Variants in SLC9C2 observed in about 807,000 individuals in gnomAD.
SLC9C2 encodes the protein sodium/hydrogen exchanger 11.
A neutral mutation model predicts 140.2 loss-of-function variants in SLC9C2; 75 were observed. The observed-to-expected ratio is 0.53, with a 90% CI of 0.44 to 0.65. The LOEUF is 0.65. Ranked by LOEUF, SLC9C2 falls within the 30% of genes least tolerant of loss-of-function variation. SLC9C2 has a pLI of 0.00. For missense variants in SLC9C2, 1,074 were observed against 1,331.8 expected (o/e 0.81, Z 3.01); for synonymous variants, 375 against 420.9 (o/e 0.89, Z 1.34).
At chr1:173,554,421 A>C (rs1186533282) in intron 11 of SLC9C2, among the ~76,000 whole-genome samples, 1 of 152,190 alleles carries the variant, frequency 6.6e-6, no homozygotes, top group Admixed American at 6.5e-5. Context: ...GGCATGGAAG[A>C]GCAATCAAAG....
chr1:173,534,386 T>C (rs1054750125), intron 16 of SLC9C2, 98 bp downstream of exon 16: 63 of 1,251,872 alleles, frequency 5.0e-5, no homozygotes, highest in Admixed American at 9.4e-5. Flanking sequence ...TCATAGCAAA[T>C]GGCTCTTGGT....
intron 7 of SLC9C2, among the ~76,000 whole-genome samples, chr1:173,580,863 A>G (rs909060048): frequency 1.3e-5 from 2 of 152,244 alleles, no homozygotes; most frequent in Non-Finnish European, 2.9e-5. Context: ...AAAAGAGAAC[A>G]AATAAAAAGA....
At chr1:173,517,773 C>T in intron 22 of SLC9C2, 69 bp from the exon 23 acceptor site, 1 of 1,311,520 alleles carries the variant, frequency 7.6e-7, no homozygotes, top group South Asian at 1.8e-5. Context: ...ATCATAGGAG[C>T]TCCCACTATT....
intron 20 of SLC9C2, 59 bp downstream of exon 20, chr1:173,524,720 C>T (rs1661074442): frequency 6.4e-7 from 1 of 1,571,466 alleles, no homozygotes; most frequent in Non-Finnish European, 8.7e-7. Context: ...CCTTATTACA[C>T]ACTGCTAAAG....
At chr1:173,590,115 T>A (rs1231645565) in intron 4 of SLC9C2, among the ~76,000 whole-genome samples, 2 of 151,894 alleles carry the variant, frequency 1.3e-5, no homozygotes, top group Non-Finnish European at 2.9e-5. Flanking sequence ...TGGTGGCGGA[T>A]GCCTGTAATC....
At chr1:173,552,639 G>C (rs61828887) in intron 11 of SLC9C2, among the ~76,000 whole-genome samples, 22,225 of 152,092 alleles carry the variant, frequency 0.15, 1,989 homozygotes, top group East Asian at 0.31. Flanking sequence ...TCTCTTTATA[G>C]CATGGTTTAC....
At chr1:173,575,843 G>T (rs1350389984) in intron 8 of SLC9C2, among the ~76,000 whole-genome samples, 1 of 152,140 alleles carries the variant, frequency 6.6e-6, no homozygotes, top group Non-Finnish European at 1.5e-5. Context: ...CTCCCAAAGT[G>T]CTGGGATTAC....
chr1:173,600,990 G>C (rs1428096471), intron 2 of SLC9C2, among the ~76,000 whole-genome samples: 1 of 152,186 alleles, frequency 6.6e-6, no homozygotes, highest in Non-Finnish European at 1.5e-5. Flanking sequence ...TAAAGCATCT[G>C]TGTGTTGAAT....
At chr1:173,502,940 A>C (rs72709308) in intron 27 of SLC9C2, among the ~76,000 whole-genome samples, 5 of 152,144 alleles carry the variant, frequency 3.3e-5, no homozygotes, top group Non-Finnish European at 5.9e-5. Context: ...CAGAGCATGG[A>C]TATTTAGACC....
Position 173,552,760 on chromosome 1 carries a change from G to A in SLC9C2, c.1297+1973C>T, listed in dbSNP as rs149370967. ...TTAGTCATGCAAGAGCTCTGATGGA[G>A]ATGGACAAGGAGTTGAATGTTGTTT... is the stretch of plus-strand genomic sequence containing the variant. On this transcript the variant is annotated intron_variant, in intron 11 of 27. Transcript: ENST00000367714. Among the ~76,000 whole-genome samples, 12 of 152,310 alleles carry A rather than the reference G, an allele frequency of 7.9e-5. 1 individual carries two copies. The East Asian group carries it at 2.3e-3, about 29-fold the overall frequency.
At chr1:173,535,030 TATG>T (rs1313701890) in intron 15 of SLC9C2, among the ~76,000 whole-genome samples, 1 of 151,900 alleles carries the variant, frequency 6.6e-6, no homozygotes, top group African/African-American at 2.4e-5. Flanking sequence ...ATGGGAAAAA[TATG>T]ATATTAAATA....
At chr1:173,528,922 A>C (rs567442212) in intron 18 of SLC9C2, among the ~76,000 whole-genome samples, 1 of 152,232 alleles carries the variant, frequency 6.6e-6, no homozygotes, top group East Asian at 1.9e-4. Flanking sequence ...AACACAATGA[A>C]TAGGAGAGTG....
At chr1:173,554,692 T>C in intron 11 of SLC9C2, 41 bp downstream of exon 11, 1 of 1,275,642 alleles carries the variant, frequency 7.8e-7, no homozygotes, top group South Asian at 1.2e-5. Context: ...CTGTTTGTAT[T>C]ATTCTCCCCA....
rs545039063 is a variant in SLC9C2 at position 173,538,168 on chromosome 1, C to T, written c.1558-1129G>A. On this transcript the variant is annotated intron_variant, in intron 13 of 27. Coordinates refer to ENST00000367714, the MANE Select transcript of SLC9C2 (RefSeq NM_178527.4). Reference sequence around the variant, plus strand: ...GCAAATTCTGAAACTGCCTTCCAAACGGTATGGGGCAATGGCCAGGCTCTC... The same window carrying T: ...GCAAATTCTGAAACTGCCTTCCAAATGGTATGGGGCAATGGCCAGGCTCTC... 6.7e-4 allele frequency among the ~76,000 whole-genome samples: 102 copies of T among 152,252 alleles called. No individual in the cohort carries two copies. In the South Asian group the frequency reaches 9.5e-3, roughly 14 times the overall value.
intron 27 of SLC9C2, among the ~76,000 whole-genome samples, chr1:173,502,303 T>TTATTTGG (rs1490471321): frequency 2.0e-5 from 3 of 150,130 alleles, no homozygotes; most frequent in Admixed American, 2.0e-4. Context: ...AAAAAGCTGT[T>TTATTTGG]TATTTGGGAT....
intron 16 of SLC9C2, 90 bp downstream of exon 16, chr1:173,534,394 G>T: frequency 7.7e-7 from 1 of 1,305,952 alleles, no homozygotes. Flanking sequence ...AATGGCTCTT[G>T]GTATCAAGTT....
chr1:173,529,258 C>A (rs1661404014), intron 18 of SLC9C2, among the ~76,000 whole-genome samples: 1 of 152,074 alleles, frequency 6.6e-6, no homozygotes, highest in Non-Finnish European at 1.5e-5. Context: ...GTCTCCTCTA[C>A]ATTATCAGGC....
chr1:173,587,980 T>C (rs1382860803), intron 4 of SLC9C2, 150 bp from the exon 5 acceptor site: 1 of 517,832 alleles, frequency 1.9e-6, no homozygotes, highest in Non-Finnish European at 3.2e-6. Context: ...TTTAACCACC[T>C]GCCACAAAGA....
chr1:173,585,129 T>C (rs1665772634), intron 5 of SLC9C2, among the ~76,000 whole-genome samples: 1 of 152,220 alleles, frequency 6.6e-6, no homozygotes, highest in Admixed American at 6.5e-5. Context: ...AAGATCCTCT[T>C]CCAGATTTGC....
Sources: allele counts gnomAD v4.1 joint callset (sites outside exome capture counted in the v4.1 genomes callset), GRCh38; gene constraint gnomAD v4.1.1; transcripts MANE v1.5; gene names NCBI Gene and HGNC (gene_info 2026-07-23, HGNC 2026-07-21).